Variants in RGS17 observed in about 807,000 individuals in gnomAD.
The protein encoded by RGS17 is regulator of G protein signaling 17.
A neutral mutation model predicts 25.5 loss-of-function variants in RGS17; 12 were observed. The ratio of observed to expected loss-of-function variants is 0.47; its 90% CI spans 0.30 to 0.76. The LOEUF (loss-of-function observed/expected upper bound fraction) is 0.76. RGS17 is among the 30% of genes least tolerant of loss of function. The pLI is 0.07. For synonymous variants in RGS17, 71 were observed against 76.9 expected, an observed-to-expected ratio of 0.92 and a Z score of 0.40; for missense variants, 196 against 242.2, an observed-to-expected ratio of 0.81 and a Z score of 1.27.
At chr6:153,036,856 T>C (rs1776249629) in intron 2 of RGS17, among the ~76,000 whole-genome samples, 1 of 152,184 alleles carries the variant, frequency 6.6e-6, no homozygotes, top group African/African-American at 2.4e-5. Flanking sequence ...CCAAGGCTAT[T>C]ATAAAAGTCT....
At chr6:153,050,387 T>C (rs1203781276) in intron 1 of RGS17, among the ~76,000 whole-genome samples, 1 of 152,150 alleles carries the variant, frequency 6.6e-6, no homozygotes, top group Non-Finnish European at 1.5e-5. Flanking sequence ...AAGTAACACA[T>C]TGCAATTTAA....
At chr6:153,124,477 G>A (rs1777678256) in intron 1 of RGS17, among the ~76,000 whole-genome samples, 1 of 152,144 alleles carries the variant, frequency 6.6e-6, no homozygotes, top group Non-Finnish European at 1.5e-5. Context: ...TTTACATGAT[G>A]TTTCTTGTAC....
At chr6:153,070,136 G>A (rs1776766611) in intron 1 of RGS17, among the ~76,000 whole-genome samples, 1 of 152,074 alleles carries the variant, frequency 6.6e-6, no homozygotes, top group South Asian at 2.1e-4. Context: ...GCTCTACTCA[G>A]CAGCCCTGAC....
At chr6:153,037,030 T>C (rs556318198) in intron 2 of RGS17, among the ~76,000 whole-genome samples, 2 of 152,320 alleles carry the variant, frequency 1.3e-5, no homozygotes, top group South Asian at 2.1e-4. Flanking sequence ...GGAAAAGATA[T>C]TTGATTATTT....
At chr6:153,113,257 GA>G (rs1480841554) in intron 1 of RGS17, among the ~76,000 whole-genome samples, 1 of 150,650 alleles carries the variant, frequency 6.6e-6, no homozygotes, top group African/African-American at 2.4e-5. Context: ...GAAAGAAAAA[GA>G]AAAAAAAGCA....
At chr6:153,050,504 AAT>A in intron 1 of RGS17, among the ~76,000 whole-genome samples, 1 of 152,314 alleles carries the variant, frequency 6.6e-6, no homozygotes, top group Non-Finnish European at 1.5e-5. Flanking sequence ...CAGAACTATT[AAT>A]CAGAGAAATG....
intron 4 of RGS17, among the ~76,000 whole-genome samples, chr6:153,013,957 T>A (rs1779158333): frequency 6.6e-6 from 1 of 152,218 alleles, no homozygotes; most frequent in Non-Finnish European, 1.5e-5. Context: ...CAGTAATTTA[T>A]TCAGAAGATC....
chr6:153,116,600 T>A (rs6557271), intron 1 of RGS17, among the ~76,000 whole-genome samples: 2 of 151,962 alleles, frequency 1.3e-5, no homozygotes, highest in Non-Finnish European at 2.9e-5. Context: ...GTATAAATCA[T>A]TTTACTATAA....
intron 1 of RGS17, among the ~76,000 whole-genome samples, chr6:153,072,216 A>G (rs1562326551): frequency 6.6e-6 from 1 of 152,164 alleles, no homozygotes; most frequent in Non-Finnish European, 1.5e-5. Flanking sequence ...CACCACACTG[A>G]TGGAAAACAT....
chr6:153,026,467 C>A lies in RGS17; in HGVS notation c.196G>T (p.Val66Phe), dbSNP rs200709570. 153 of 1,612,288 alleles carry A rather than the reference C, an allele frequency of 9.5e-5. No individual in the cohort carries two copies. Among genetic ancestry groups the A allele is most frequent in the Non-Finnish European group, 1.2e-4 (147 of 1,178,740 alleles). Residue 66 changes from valine (V) to phenylalanine (F), a missense_variant, in exon 3 of 5, where the codon GTC (valine) becomes TTC (phenylalanine). Coordinates refer to ENST00000206262, the MANE Select transcript of RGS17 (RefSeq NM_012419.5). Reference protein sequence around the residue: ...THTTKMESIQVLEECQNPTAE... With the variant: ...THTTKMESIQFLEECQNPTAE... ...TCTCACACTCACCATTCCTCTAGGA[C>A]CTGGATACTCTCCATTTTTGTAGTG...
intron 1 of RGS17, among the ~76,000 whole-genome samples, chr6:153,070,358 G>T (rs1776769526): frequency 6.6e-6 from 1 of 152,016 alleles, no homozygotes; most frequent in Non-Finnish European, 1.5e-5. Context: ...GTGGATATTG[G>T]CAGCAAAATA....
At chr6:153,062,834 T>C (rs892374480) in intron 1 of RGS17, among the ~76,000 whole-genome samples, 4 of 152,118 alleles carry the variant, frequency 2.6e-5, no homozygotes, top group African/African-American at 9.7e-5. Context: ...ATCGGAGTCA[T>C]GAGGTGCTCT....
chr6:153,039,079 G>C (rs938350563), intron 2 of RGS17, among the ~76,000 whole-genome samples: 2 of 152,266 alleles, frequency 1.3e-5, no homozygotes, highest in Non-Finnish European at 2.9e-5. Flanking sequence ...AATACCGGGA[G>C]AGCATGAGAT....
At chr6:153,054,151 G>A (rs1776520520) in intron 1 of RGS17, among the ~76,000 whole-genome samples, 1 of 119,176 alleles carries the variant, frequency 8.4e-6, no homozygotes, top group Non-Finnish European at 1.7e-5. Context: ...TACCAGGCAG[G>A]AATTTCTTAT....
At position 153,043,952 on chromosome 6, in the gene RGS17, T is replaced by C; in HGVS notation, c.67A>G (p.Arg23Gly). Residue 23 changes from arginine (R) to glycine (G), a missense_variant, in exon 2 of 5, where the codon AGG (arginine) becomes GGG (glycine). Arg to Gly is a moderately radical substitution (Grantham distance 125, BLOSUM62 -2). This residue lies in a region of RGS17 where 17 missense variants were observed against 44.7 expected (regional missense o/e 0.38). Coordinates refer to ENST00000206262, the MANE Select transcript of RGS17 (RefSeq NM_012419.5). ...PAVSQAPGNQ[R>G]PNNTCCFCWC... Reference sequence around the variant, plus strand: ...CAAAAGCAACAGGTGTTGTTGGGCCTCTGGTTTCCAGGAGCTTGAGACACG... The same window carrying C: ...CAAAAGCAACAGGTGTTGTTGGGCCCCTGGTTTCCAGGAGCTTGAGACACG... 6.2e-7 allele frequency: 1 copy of C among 1,613,270 alleles called. No individual in the cohort carries two copies. Among genetic ancestry groups the C allele is most frequent in the Non-Finnish European group, 8.5e-7 (1 of 1,179,668 alleles).
intron 1 of RGS17, among the ~76,000 whole-genome samples, chr6:153,101,911 CTG>C (rs1368278100): frequency 6.6e-6 from 1 of 152,178 alleles, no homozygotes; most frequent in African/African-American, 2.4e-5. Flanking sequence ...GTCTGCAGAA[CTG>C]TGAGTCAACT....
chr6:153,102,783 T>C (rs1432040022), intron 1 of RGS17, among the ~76,000 whole-genome samples: 1 of 152,322 alleles, frequency 6.6e-6, no homozygotes, highest in African/African-American at 2.4e-5. Flanking sequence ...AGCATTTTGT[T>C]GTGCCCTTCA....
intron 2 of RGS17, among the ~76,000 whole-genome samples, chr6:153,040,332 T>G (rs1459270366): frequency 6.6e-6 from 1 of 152,038 alleles, no homozygotes; most frequent in African/African-American, 2.4e-5. Flanking sequence ...CCGCAAAAAA[T>G]GTGGTGGTAA....
chr6:153,103,953 C>A (rs1777343034), intron 1 of RGS17, among the ~76,000 whole-genome samples: 1 of 152,022 alleles, frequency 6.6e-6, no homozygotes, highest in Non-Finnish European at 1.5e-5. Context: ...TCTTATTGAA[C>A]CAAAGATATC....
Sources: allele counts gnomAD v4.1 joint callset (sites outside exome capture counted in the v4.1 genomes callset), GRCh38; gene constraint gnomAD v4.1.1; regional missense constraint gnomAD v4.1.1; transcripts MANE v1.5; gene names NCBI Gene and HGNC (gene_info 2026-07-23, HGNC 2026-07-21).